GEN1: variants seen among roughly 807,000 people sequenced by gnomAD.
GEN1 encodes the protein GEN1 structure-specific endonuclease, also known as flap endonuclease GEN homolog 1.
GEN1 carries 64 observed loss-of-function variants against 67.6 expected under a neutral mutation model. The ratio of observed to expected loss-of-function variants is 0.95; its 90% CI spans 0.77 to 1.17. The LOEUF (loss-of-function observed/expected upper bound fraction) is 1.17, where lower values mean the gene tolerates loss of function less well. Ranked by LOEUF, GEN1 falls within the 50% of genes most tolerant of loss-of-function variation. GEN1 has a pLI of 0.00. For missense variants in GEN1, 1,058 were observed against 1,048.3 expected (o/e 1.01, Z -0.13); for synonymous variants, 371 against 359.4 (o/e 1.03, Z -0.37).
At chr2:17,772,900 A>T (rs959421688) in intron 8 of GEN1, 116 bp downstream of exon 8, 24 of 1,056,080 alleles carry the variant, frequency 2.3e-5, no homozygotes, top group East Asian at 2.1e-4. Flanking sequence ...GTTTAACTAA[A>T]TTTTTTTTTC....
At chr2:17,756,689 G>A (rs1178045154) in intron 1 of GEN1, among the ~76,000 whole-genome samples, 1 of 152,146 alleles carries the variant, frequency 6.6e-6, no homozygotes, top group Non-Finnish European at 1.5e-5. Flanking sequence ...ACCTCCCAAA[G>A]AGCCAGGATT....
At position 17,783,022 on chromosome 2, in the gene GEN1, A is replaced by G. The variant is rs879324532; in HGVS notation, c.*1083A>G. The G allele has an allele frequency of 6.6e-6, 1 of 152,176 alleles. No homozygotes were observed. The highest frequency in any genetic ancestry group is 6.5e-5 in the Admixed American group (1 of 15,270). 9.4% of individuals were successfully genotyped at this position (152,176 alleles called of 1,614,324 possible). A position where few individuals can be genotyped will look rare whatever the true frequency, so the allele number is the denominator to read the frequency against. ...AGCGAGTTCATCCAGGTCGTAGAAT[A>G]CAAGACCAATGTGCAATGATCATTG... On this transcript the variant is annotated 3_prime_UTR_variant, in exon 14 of 14. Transcript: ENST00000381254.
chr2:17,781,938 G>T lies in GEN1; in HGVS notation c.2726G>T (p.Ter909LeuextTer9). The T allele has an allele frequency of 6.6e-7, 1 of 1,513,610 alleles. No individual in the cohort carries two copies. Among genetic ancestry groups the T allele is most frequent in the South Asian group, 1.3e-5 (1 of 77,906 alleles). 93.8% of individuals were successfully genotyped at this position (1,513,610 alleles called of 1,614,324 possible). ...QRLKLRFQST[*>L] Reference sequence around the variant, plus strand: ...TTAAAACTAAGATTCCAAAGCACTTGAAATTTAAAACACTTAGGTATAACT... The same window carrying T: ...TTAAAACTAAGATTCCAAAGCACTTTAAATTTAAAACACTTAGGTATAACT... Residue 909 changes from the stop codon to leucine, a stop_lost, in exon 14 of 14, where the codon TGA becomes TTA. Transcript: ENST00000381254.
At chr2:17,768,956 A>C in intron 6 of GEN1, 145 bp downstream of exon 6, 1 of 482,394 alleles carries the variant, frequency 2.1e-6, no homozygotes, top group Admixed American at 4.0e-5. Context: ...AAGATAATTT[A>C]TTTTTATTTA....
chr2:17,768,078 C>T (rs1045328878), intron 5 of GEN1, among the ~76,000 whole-genome samples: 1 of 152,166 alleles, frequency 6.6e-6, no homozygotes, highest in East Asian at 1.9e-4. Context: ...TAGCTATTTA[C>T]TAACCAGTTA....
At chr2:17,760,907 G>A (rs1671644532) in intron 2 of GEN1, among the ~76,000 whole-genome samples, 2 of 147,382 alleles carry the variant, frequency 1.4e-5, no homozygotes, top group South Asian at 2.1e-4. Context: ...GGGCAACAGA[G>A]TGAGACTCCA....
chr2:17,781,552 A>T lies in GEN1; in HGVS notation c.2340A>T (p.Lys780Asn). The T allele has an allele frequency of 6.2e-7, 1 of 1,613,930 alleles. No homozygotes were observed. The highest frequency in any genetic ancestry group is 8.5e-7 in the Non-Finnish European group (1 of 1,179,948). Reference protein sequence around the residue: ...PPNTALDHSRKVDMQTTRKIL... With the variant: ...PPNTALDHSRNVDMQTTRKIL... ...ATACTGCTTTAGATCATAGTAGAAAAGTTGATATGCAAACCACTCGGAAAA... is the reference window on the plus strand; with the variant it reads ...ATACTGCTTTAGATCATAGTAGAAATGTTGATATGCAAACCACTCGGAAAA... The change falls in exon 14 of 14, where the codon AAA becomes AAT. Residue 780 changes from lysine to asparagine, a missense_variant. Physicochemically the swap from Lys to Asn is moderately conservative, Grantham distance 94. Coordinates refer to ENST00000381254, the MANE Select transcript of GEN1 (RefSeq NM_001130009.3).
rs36167583 is a variant in GEN1, at chr2:17,778,349, T to TAC, written c.1264+286_1264+287insAC. Among the ~76,000 whole-genome samples, 2 of 30,174 alleles carry TAC rather than the reference T, an allele frequency of 6.6e-5. 1 individual carries two copies. Among genetic ancestry groups the TAC allele is most frequent in the Non-Finnish European group, 1.3e-4 (2 of 15,092 alleles). 19.8% of individuals were successfully genotyped at this position (30,174 alleles called of 152,430 possible). A position where few individuals can be genotyped will look rare whatever the true frequency, so the allele number is the denominator to read the frequency against. ...GTGTACATATATGTATACACACACA[T>TAC]GTGTGTACATATATGTATATACACA... is the stretch of plus-strand genomic sequence containing the variant. On this transcript the variant is annotated intron_variant, in intron 12 of 13. Coordinates refer to ENST00000381254, the MANE Select transcript of GEN1 (RefSeq NM_001130009.3).
At chr2:17,754,071 G>C (rs1671264340), upstream of GEN1, 1 of 152,324 alleles carries the variant, frequency 6.6e-6, no homozygotes, top group Non-Finnish European at 1.5e-5. Flanking sequence ...AGGGAAAGCC[G>C]AGCGGGCCCC....
chr2:17,777,458 A>G (rs944686304), intron 11 of GEN1, among the ~76,000 whole-genome samples: 1 of 152,190 alleles, frequency 6.6e-6, no homozygotes, highest in African/African-American at 2.4e-5. Flanking sequence ...AACCAAAATA[A>G]TACAGGCAGA....
Position 17,781,128 on chromosome 2 carries a change from A to C in GEN1, c.1916A>C (p.Tyr639Ser). 5.6e-6 allele frequency: 9 copies of C among 1,613,978 alleles called. No homozygotes were observed. Among genetic ancestry groups the C allele is most frequent in the Non-Finnish European group, 7.6e-6 (9 of 1,179,866 alleles). Residue 639 changes from tyrosine to serine, a missense_variant, in exon 14 of 14, where the codon TAC becomes TCC. Physicochemically the swap from Tyr to Ser is moderately radical, Grantham distance 144. Transcript: ENST00000381254. Reference protein sequence around the residue: ...PEQLSCESERYTANIKKVLDE... With the variant: ...PEQLSCESERSTANIKKVLDE... ...CAACTGTCCTGTGAATCAGAAAGGT[A>C]CACTGCAAACATAAAGAAAGTGTTG...
chr2:17,778,306 ATG>A lies in GEN1; in HGVS notation c.1264+245_1264+246del, dbSNP rs1213879136. ...TACACACACATGTGTGTGTACATAT[ATG>A]TATATACACACACACGTGTACATAT... On this transcript the variant is annotated intron_variant, in intron 12 of 13. Coordinates refer to ENST00000381254, the MANE Select transcript of GEN1 (RefSeq NM_001130009.3). Among the ~76,000 whole-genome samples the A allele has an allele frequency of 1.9e-3, 178 of 93,700 alleles. 48 individuals are homozygous for A. The highest frequency in any genetic ancestry group is 2.4e-3 in the Non-Finnish European group (108 of 45,556). The allele number at this position is 93,700 out of a possible 152,430, so 61.5% of individuals were successfully genotyped here.
In GEN1 at chr2:17,772,688, A is replaced by G. The variant is rs1417665930; in HGVS notation, c.857A>G (p.Tyr286Cys). The G allele has an allele frequency of 6.2e-7, 1 of 1,612,560 alleles. No individual in the cohort carries two copies. Residue 286 changes from tyrosine to cysteine, a missense_variant, in exon 8 of 14, where the codon TAT becomes TGT. By Grantham distance (194) the Tyr-to-Cys change is radical. Transcript: ENST00000381254. ...TGCAGATTATGTAAAAGTGATAAAT[A>G]TTGTGAGCCACATGACTATGAATAC... is the stretch of plus-strand genomic sequence containing the variant. ...NGCRLCKSDK[Y>C]CEPHDYEYCC...
rs1006323846 is a variant in GEN1 at position 17,784,846 on chromosome 2, G to A, written c.*2907G>A. 6.6e-6 allele frequency: 1 copy of A among 152,236 alleles called. No homozygotes were observed. The highest frequency in any genetic ancestry group is 6.5e-5 in the Admixed American group (1 of 15,280). The allele number at this position is 152,236 out of a possible 1,614,324, so 9.4% of individuals were successfully genotyped here. ...GTATGAGATGAAAATAACAAAATTA[G>A]TTGGGAGTGGCCAGTCTGAGTTCAT... On this transcript the variant is annotated 3_prime_UTR_variant, in exon 14 of 14. Transcript: ENST00000381254.
chr2:17,758,236 A>G (rs932980348), intron 1 of GEN1, among the ~76,000 whole-genome samples: 15 of 152,220 alleles, frequency 9.9e-5, no homozygotes, highest in African/African-American at 3.4e-4. Context: ...GCTAAACCAG[A>G]AGATAACCTG....
chr2:17,776,189 G>GA (rs1672424065), intron 11 of GEN1, among the ~76,000 whole-genome samples: 1 of 150,922 alleles, frequency 6.6e-6, no homozygotes, highest in Admixed American at 6.6e-5. Flanking sequence ...GAATCCAAGT[G>GA]AAAAACGTTC....
chr2:17,770,708 T>C (rs1672140278), intron 6 of GEN1, among the ~76,000 whole-genome samples: 2 of 152,104 alleles, frequency 1.3e-5, no homozygotes, highest in Non-Finnish European at 2.9e-5. Flanking sequence ...TTATTTTACA[T>C]GATTTAGCTT....
At chr2:17,758,704 C>T (rs1316943295) in intron 1 of GEN1, among the ~76,000 whole-genome samples, 2 of 152,070 alleles carry the variant, frequency 1.3e-5, no homozygotes, top group African/African-American at 2.4e-5. Flanking sequence ...ATACTCATGG[C>T]AGGGCTGGGT....
At position 17,780,894 on chromosome 2, in the gene GEN1, A is replaced by G; in HGVS notation, c.1682A>G (p.Lys561Arg). 4 of 1,613,944 alleles carry G rather than the reference A, an allele frequency of 2.5e-6. No homozygotes were observed. Among genetic ancestry groups the G allele is most frequent in the Non-Finnish European group, 3.4e-6 (4 of 1,179,916 alleles). Residue 561 changes from lysine (K) to arginine (R), a missense_variant, in exon 14 of 14, where the codon AAG becomes AGG. By Grantham distance (26) the Lys-to-Arg change is conservative. Transcript: ENST00000381254. ...LAIQQIKAVS[K>R]SLISESSQPN... ...ATACAGCAAATTAAAGCTGTCAGTA[A>G]GTCTCTAATTTCAGAATCTAGTCAA...
Sources: allele counts gnomAD v4.1 joint callset (sites outside exome capture counted in the v4.1 genomes callset), GRCh38; gene constraint gnomAD v4.1.1; transcripts MANE v1.5; gene names NCBI Gene and HGNC (gene_info 2026-07-23, HGNC 2026-07-21).